Variants in KITLG observed in about 807,000 individuals in gnomAD.
The protein encoded by KITLG is KIT ligand, also known as c-Kit ligand.
Under a neutral mutation model 34.1 loss-of-function variants are expected in KITLG, and 13 were observed. The ratio of observed to expected loss-of-function variants is 0.38; its 90% CI spans 0.25 to 0.61. The LOEUF (loss-of-function observed/expected upper bound fraction) is 0.61, where lower values mean the gene tolerates loss of function less well. KITLG is among the 20% of genes least tolerant of loss of function. The pLI is 0.60. For missense variants in KITLG, 292 were observed against 318.9 expected (o/e 0.92, Z 0.64); for synonymous variants, 110 against 104.0 (o/e 1.06, Z -0.35).
intron 1 of KITLG, among the ~76,000 whole-genome samples, chr12:88,560,497 G>A (rs73439046): frequency 0.019 from 2,911 of 152,274 alleles, 102 homozygotes; most frequent in African/African-American, 0.067. Context: ...GAAATAAAGA[G>A]GTTGTGAAAC....
chr12:88,520,042 C>T (rs1869600719), intron 3 of KITLG, among the ~76,000 whole-genome samples: 1 of 152,016 alleles, frequency 6.6e-6, no homozygotes, highest in Admixed American at 6.6e-5. Context: ...ATAGGTAAGC[C>T]CCAATTCCTG....
At chr12:88,538,358 C>T (rs1870403450) in intron 2 of KITLG, among the ~76,000 whole-genome samples, 1 of 151,732 alleles carries the variant, frequency 6.6e-6, no homozygotes, top group African/African-American at 2.4e-5. Context: ...CAGCAAGTTG[C>T]TTCTGCTTAG....
intron 9 of KITLG, among the ~76,000 whole-genome samples, chr12:88,498,919 T>G (rs1868748142): frequency 6.6e-6 from 1 of 152,090 alleles, no homozygotes; most frequent in Admixed American, 6.6e-5. Flanking sequence ...GAATTAAATG[T>G]AGAGAAGATT....
At chr12:88,554,676 C>A (rs1372984177) in intron 1 of KITLG, among the ~76,000 whole-genome samples, 1 of 152,158 alleles carries the variant, frequency 6.6e-6, no homozygotes, top group Non-Finnish European at 1.5e-5. Context: ...TCTATGTAAA[C>A]CAACAACAGG....
At chr12:88,554,450 A>G (rs1263524816) in intron 1 of KITLG, among the ~76,000 whole-genome samples, 1 of 152,200 alleles carries the variant, frequency 6.6e-6, no homozygotes, top group African/African-American at 2.4e-5. Context: ...TGAACAAAAC[A>G]GCAGCTGCTG....
At chr12:88,548,896 T>C (rs1157902915) in intron 1 of KITLG, among the ~76,000 whole-genome samples, 1 of 152,168 alleles carries the variant, frequency 6.6e-6, no homozygotes, top group Non-Finnish European at 1.5e-5. Flanking sequence ...AGAAGAGCCA[T>C]AGAACTAACT....
At chr12:88,500,144 C>T (rs1033228416) in intron 9 of KITLG, among the ~76,000 whole-genome samples, 3 of 152,188 alleles carry the variant, frequency 2.0e-5, no homozygotes, top group Non-Finnish European at 2.9e-5. Context: ...CAAACTGACC[C>T]TTGAACACAG....
rs558628857 is a variant in KITLG at position 88,539,412 on chromosome 12, C to T, written c.129+6340G>A. ...ATCATGGCTGTAGAGGAAAAAAGCT[C>T]TACACTTCTATCATCGTTCACTCAG... On this transcript the variant is annotated intron_variant, in intron 2 of 9. Coordinates refer to ENST00000644744, the MANE Select transcript of KITLG (RefSeq NM_000899.5). 3.3e-5 allele frequency among the ~76,000 whole-genome samples: 5 copies of T among 152,198 alleles called. No individual in the cohort carries two copies. The South Asian group carries it at 6.2e-4, about 19-fold the overall frequency.
chr12:88,546,820 G>A (rs1430032372), intron 1 of KITLG, among the ~76,000 whole-genome samples: 6 of 152,188 alleles, frequency 3.9e-5, no homozygotes, highest in Non-Finnish European at 7.4e-5. Context: ...TGTTGAAGAT[G>A]CCCTTGAAAC....
At chr12:88,534,699 C>G in intron 2 of KITLG, 1 of 515,560 alleles carries the variant, frequency 1.9e-6, no homozygotes, top group Non-Finnish European at 3.9e-6. Flanking sequence ...ACCTGAGCTG[C>G]CAGACATGAC....
Position 88,577,249 on chromosome 12 carries a change from A to G in KITLG, c.15+3015T>C, listed in dbSNP as rs1871858619. Among the ~76,000 whole-genome samples the G allele has an allele frequency of 3.3e-5, 5 of 152,304 alleles. 1 individual carries two copies. The South Asian group carries it at 1.0e-3, about 32-fold the overall frequency. ...GACATAAAAGAGATATTTTCTTTGG[A>G]GTAGTGAAAATTAGCATTCTATTTG... On this transcript the variant is annotated intron_variant, in intron 1 of 9. Transcript: ENST00000644744.
intron 3 of KITLG, among the ~76,000 whole-genome samples, chr12:88,519,829 G>C (rs1869593760): frequency 6.6e-6 from 1 of 152,034 alleles, no homozygotes; most frequent in South Asian, 2.1e-4. Flanking sequence ...TTGCTTTGCT[G>C]CTCAGGCTGC....
chr12:88,536,517 T>C (rs772295422), intron 2 of KITLG, among the ~76,000 whole-genome samples: 9 of 152,182 alleles, frequency 5.9e-5, no homozygotes, highest in Non-Finnish European at 8.8e-5. Context: ...ATCATTCTAC[T>C]ATAAAGACAC....
At chr12:88,511,564 G>C (rs913774855) in intron 6 of KITLG, among the ~76,000 whole-genome samples, 6 of 152,104 alleles carry the variant, frequency 3.9e-5, no homozygotes, top group African/African-American at 1.4e-4. Flanking sequence ...CAAAGAAGGA[G>C]CATCAGAAAT....
chr12:88,526,906 T>C (rs1401221873), intron 3 of KITLG, among the ~76,000 whole-genome samples: 1 of 140,408 alleles, frequency 7.1e-6, no homozygotes, highest in Non-Finnish European at 1.5e-5. Context: ...TCTCGCTCTG[T>C]CACCCAGCCT....
intron 1 of KITLG, among the ~76,000 whole-genome samples, chr12:88,554,421 A>G (rs181438840): frequency 1.4e-4 from 22 of 152,326 alleles, no homozygotes; most frequent in Middle Eastern, 3.4e-3. Flanking sequence ...AGACCTACGA[A>G]ATGGTATTAG....
chr12:88,555,053 T>C (rs1191075348), intron 1 of KITLG, among the ~76,000 whole-genome samples: 1 of 152,198 alleles, frequency 6.6e-6, no homozygotes, highest in Admixed American at 6.5e-5. Flanking sequence ...CATTAAAATA[T>C]GTAATGAATA....
At chr12:88,559,488 C>T (rs1333950655) in intron 1 of KITLG, among the ~76,000 whole-genome samples, 2 of 152,148 alleles carry the variant, frequency 1.3e-5, no homozygotes, top group South Asian at 2.1e-4. Context: ...TCTGCTCCTA[C>T]GGCCCTTCCA....
chr12:88,519,109 G>A (rs1482790334), intron 3 of KITLG, among the ~76,000 whole-genome samples: 3 of 151,968 alleles, frequency 2.0e-5, no homozygotes, highest in African/African-American at 7.2e-5. Context: ...TGATCCACCC[G>A]TCTCAGCTTC....
Sources: gnomAD v4.1 joint callset for allele counts (sites outside exome capture counted in the v4.1 genomes callset) on GRCh38, gnomAD v4.1.1 for gene constraint, MANE v1.5 for transcripts, NCBI Gene and HGNC (gene_info 2026-07-23, HGNC 2026-07-21) for gene names.